GRIA3: variants seen among roughly 807,000 people sequenced by gnomAD.
The protein encoded by GRIA3 is glutamate receptor 3.
Under a neutral mutation model 63.0 loss-of-function variants are expected in GRIA3, and 3 were observed. That is an observed-to-expected ratio of 0.05 (90% CI 0.02 to 0.12). GRIA3 has a LOEUF of 0.12. Ranked by LOEUF, GRIA3 falls within the 10% of genes least tolerant of loss-of-function variation. GRIA3 has a pLI of 1.00. For synonymous variants in GRIA3, 274 were observed against 257.9 expected (o/e 1.06, Z -0.60); for missense variants, 347 against 700.9 (o/e 0.50, Z 5.70).
At chrX:123,206,220 C>T (rs1263528418) in intron 2 of GRIA3, among the ~76,000 whole-genome samples, 1 of 112,006 alleles carries the variant, frequency 8.9e-6, no homozygotes, top group African/African-American at 3.2e-5. Context: ...CCATAGAATG[C>T]CATCCTATTG....
At chrX:123,360,369 T>G (rs2045160967) in intron 5 of GRIA3, among the ~76,000 whole-genome samples, 1 of 109,211 alleles carries the variant, frequency 9.2e-6, no homozygotes, top group Admixed American at 9.8e-5. Context: ...TGATCAGAGA[T>G]AAAAAGGGCT....
intron 13 of GRIA3, among the ~76,000 whole-genome samples, chrX:123,466,145 G>GA (rs777122703): frequency 2.6e-4 from 29 of 111,944 alleles, no homozygotes; most frequent in Non-Finnish European, 4.1e-4. Flanking sequence ...TGAGTGGTAT[G>GA]AAAAATCAGA....
intron 5 of GRIA3, among the ~76,000 whole-genome samples, chrX:123,382,909 C>T (rs2147370504): frequency 8.9e-6 from 1 of 111,802 alleles, no homozygotes; most frequent in South Asian, 3.8e-4. Context: ...CTAGTGCATG[C>T]TGTGCCTATT....
chrX:123,284,572 G>A (rs762831382), intron 3 of GRIA3, among the ~76,000 whole-genome samples: 15 of 110,739 alleles, frequency 1.4e-4, no homozygotes, highest in African/African-American at 4.3e-4. Flanking sequence ...TGATGGAGCT[G>A]AAAAACACAG....
intron 2 of GRIA3, among the ~76,000 whole-genome samples, chrX:123,219,403 T>C (rs1190897230): frequency 8.9e-6 from 1 of 112,164 alleles, no homozygotes; most frequent in Non-Finnish European, 1.9e-5. Context: ...CACTTTCTTT[T>C]AAGGTTCAAG....
At chrX:123,364,005 A>T (rs1007959277) in intron 5 of GRIA3, among the ~76,000 whole-genome samples, 5 of 111,645 alleles carry the variant, frequency 4.5e-5, no homozygotes, top group African/African-American at 1.6e-4. Context: ...GCACACAAAG[A>T]TTACCGTTCA....
At chrX:123,202,619 C>G in intron 2 of GRIA3, 1 of 1,163,857 alleles carries the variant, frequency 8.6e-7, no homozygotes, top group Non-Finnish European at 1.1e-6. Context: ...CTTCCCCTCA[C>G]CTTGTCACCC....
chrX:123,222,419 G>T (rs1360873079), intron 2 of GRIA3, among the ~76,000 whole-genome samples: 1 of 111,999 alleles, frequency 8.9e-6, no homozygotes, highest in Non-Finnish European at 1.9e-5. Context: ...TGAGATGAAG[G>T]TAATAGTTGG....
intron 3 of GRIA3, among the ~76,000 whole-genome samples, chrX:123,319,262 C>A (rs778808839): frequency 1.1e-3 from 126 of 111,782 alleles, no homozygotes; most frequent in African/African-American, 4.0e-3. Context: ...ATACGCTATG[C>A]CATATAGCCT....
chrX:123,292,517 G>C (rs771896011), intron 3 of GRIA3, among the ~76,000 whole-genome samples: 1 of 109,932 alleles, frequency 9.1e-6, no homozygotes, highest in Admixed American at 9.7e-5. Flanking sequence ...CCCCAAAAAA[G>C]CAAATGCAAA....
intron 3 of GRIA3, among the ~76,000 whole-genome samples, chrX:123,280,425 C>A (rs759644312): frequency 1.8e-5 from 2 of 112,233 alleles, no homozygotes; most frequent in South Asian, 3.7e-4. Flanking sequence ...TAAATACACT[C>A]TTTTTTATTA....
At chrX:123,359,990 G>A (rs1426812417) in intron 5 of GRIA3, among the ~76,000 whole-genome samples, 1 of 112,035 alleles carries the variant, frequency 8.9e-6, no homozygotes, top group Non-Finnish European at 1.9e-5. Flanking sequence ...GAAAATAGAA[G>A]AAAGTTCATC....
At chrX:123,406,533 G>A (rs187618754) in intron 10 of GRIA3, among the ~76,000 whole-genome samples, 17 of 111,486 alleles carry the variant, frequency 1.5e-4, no homozygotes, top group East Asian at 5.7e-4. Context: ...CCACAAAGTC[G>A]GAAGCTCATT....
intron 2 of GRIA3, among the ~76,000 whole-genome samples, chrX:123,248,217 G>T (rs2044370003): frequency 8.9e-6 from 1 of 112,432 alleles, no homozygotes; most frequent in South Asian, 3.7e-4. Context: ...GAGATACTAA[G>T]TAACTTGCCT....
At chrX:123,332,003 T>A (rs2147336629) in intron 4 of GRIA3, among the ~76,000 whole-genome samples, 1 of 111,912 alleles carries the variant, frequency 8.9e-6, no homozygotes, top group African/African-American at 3.2e-5. Flanking sequence ...TGAGTTTCTG[T>A]GTTCATGAAA....
At chrX:123,358,559 CA>C (rs1326304414) in intron 5 of GRIA3, 1 of 112,161 alleles carries the variant, frequency 8.9e-6, no homozygotes, top group Non-Finnish European at 1.9e-5. Flanking sequence ...AAGATTTCAC[CA>C]GGAGTACAAC....
At chrX:123,200,608 T>TACACACACACACACACACACACACAC (rs200626306) in intron 2 of GRIA3, among the ~76,000 whole-genome samples, 1 of 76,391 alleles carries the variant, frequency 1.3e-5, no homozygotes, top group African/African-American at 4.1e-5. Context: ...CACACATACA[T>TACACACACACACACACACACACACAC]ACACACACAC....
intron 2 of GRIA3, among the ~76,000 whole-genome samples, chrX:123,227,439 T>G (rs969589405): frequency 1.3e-4 from 14 of 111,964 alleles, no homozygotes; most frequent in African/African-American, 4.5e-4. Flanking sequence ...CCAAGAAATG[T>G]TACCTAGCTG....
intron 4 of GRIA3, among the ~76,000 whole-genome samples, chrX:123,335,936 A>G (rs935926453): frequency 2.8e-4 from 31 of 111,997 alleles, no homozygotes; most frequent in African/African-American, 9.4e-4. Context: ...AAATTTTTAA[A>G]ATCATCATCC....
Sources: gnomAD v4.1 joint callset for allele counts (sites outside exome capture counted in the v4.1 genomes callset) on GRCh38, gnomAD v4.1.1 for gene constraint, MANE v1.5 for transcripts, NCBI Gene and HGNC (gene_info 2026-07-23, HGNC 2026-07-21) for gene names.